KCNN2: variants seen among roughly 807,000 people sequenced by gnomAD.
KCNN2 encodes the protein potassium calcium-activated channel subfamily N member 2, also known as small conductance calcium-activated potassium channel protein 2.
KCNN2 carries 24 observed loss-of-function variants against 55.5 expected under a neutral mutation model. The ratio of observed to expected loss-of-function variants is 0.43; its 90% CI spans 0.31 to 0.61. The LOEUF is 0.61. Among genes scored for constraint, KCNN2 ranks in the 20% least tolerant of loss-of-function variants. The probability of loss-of-function intolerance (pLI) is 0.08; values close to 1 mark genes in which losing one functional copy is unlikely to be tolerated. For missense variants in KCNN2, 754 were observed against 853.6 expected, an observed-to-expected ratio of 0.88 and a Z score of 1.45; for synonymous variants, 431 against 336.1, an observed-to-expected ratio of 1.28 and a Z score of -3.09.
chr5:114,172,911 T>C (rs753094016), intron 1 of KCNN2, among the ~76,000 whole-genome samples: 3 of 151,942 alleles, frequency 2.0e-5, no homozygotes, highest in Non-Finnish European at 4.4e-5. Flanking sequence ...ATTGTTTCCT[T>C]TGATATGCAG....
At chr5:114,240,876 AAAG>A (rs1754603911) in intron 2 of KCNN2, among the ~76,000 whole-genome samples, 1 of 152,018 alleles carries the variant, frequency 6.6e-6, no homozygotes, top group Non-Finnish European at 1.5e-5. Flanking sequence ...AAATATGTGA[AAAG>A]AATTTAAAAA....
intron 2 of KCNN2, among the ~76,000 whole-genome samples, chr5:114,252,945 C>T (rs1036338881): frequency 8.5e-5 from 13 of 152,092 alleles, no homozygotes; most frequent in African/African-American, 2.9e-4. Context: ...GCTTTGCTGT[C>T]ACACCCATCT....
chr5:114,442,741 A>G (rs1760263550), intron 3 of KCNN2, among the ~76,000 whole-genome samples: 1 of 152,204 alleles, frequency 6.6e-6, no homozygotes, highest in South Asian at 2.1e-4. Context: ...CAGTGCAGGG[A>G]CTAAAGGATA....
intron 1 of KCNN2, among the ~76,000 whole-genome samples, chr5:114,086,147 CT>C (rs1751011359): frequency 1.3e-5 from 2 of 151,742 alleles, no homozygotes; most frequent in South Asian, 2.1e-4. Context: ...ATTTTTTAAC[CT>C]TTTGCTATGT....
intron 2 of KCNN2, among the ~76,000 whole-genome samples, chr5:114,299,639 T>C (rs1580705510): frequency 6.6e-6 from 1 of 152,194 alleles, no homozygotes; most frequent in Non-Finnish European, 1.5e-5. Context: ...AGACACAGCC[T>C]ATCCCATCTA....
At chr5:114,326,720 GA>G (rs1580723947) in intron 2 of KCNN2, among the ~76,000 whole-genome samples, 1 of 152,164 alleles carries the variant, frequency 6.6e-6, no homozygotes, top group East Asian at 1.9e-4. Context: ...GGATTTTTAT[GA>G]AGGAAGTTCC....
At chr5:114,182,232 C>T (rs1193410825) in intron 1 of KCNN2, among the ~76,000 whole-genome samples, 1 of 151,848 alleles carries the variant, frequency 6.6e-6, no homozygotes, top group East Asian at 1.9e-4. Context: ...AGTTTCTCTA[C>T]TTCTTTGTTT....
intron 1 of KCNN2, among the ~76,000 whole-genome samples, chr5:114,191,924 G>A (rs560399773): frequency 6.6e-6 from 1 of 152,238 alleles, no homozygotes; most frequent in Admixed American, 6.5e-5. Context: ...TTATTAATGT[G>A]GTAAGAATGG....
rs541097723 is a variant in KCNN2 at position 114,058,425 on chromosome 5, G to A, written c.-271+1925G>A. On this transcript the variant is annotated intron_variant, in intron 1 of 10. Coordinates refer to the KCNN2 transcript ENST00000512097. ...CTGTGTTTTGGCAGGTCACAATTGA[G>A]TTTTGGCTGGTAAGGCCAGGTATGC... 2.0e-5 allele frequency among the ~76,000 whole-genome samples: 3 copies of A among 152,288 alleles called. No homozygotes were observed. In the East Asian group the frequency reaches 5.8e-4, roughly 29 times the overall value.
At chr5:114,159,504 G>C (rs1179257838) in intron 1 of KCNN2, among the ~76,000 whole-genome samples, 1 of 152,160 alleles carries the variant, frequency 6.6e-6, no homozygotes, top group East Asian at 1.9e-4. Flanking sequence ...GTATCAGGAT[G>C]ATGCTGGCCT....
At chr5:114,248,781 T>C (rs1754799520) in intron 2 of KCNN2, among the ~76,000 whole-genome samples, 1 of 152,206 alleles carries the variant, frequency 6.6e-6, no homozygotes, top group Admixed American at 6.5e-5. Context: ...TGACTTCCAT[T>C]ATACTGAGCA....
intron 2 of KCNN2, among the ~76,000 whole-genome samples, chr5:114,347,746 C>T (rs1254818065): frequency 6.6e-6 from 1 of 151,956 alleles, no homozygotes; most frequent in Admixed American, 6.6e-5. Context: ...AAAACACAAA[C>T]CAAAAGAAAA....
At chr5:114,259,261 C>T (rs72799607) in intron 2 of KCNN2, among the ~76,000 whole-genome samples, 16,595 of 152,266 alleles carry the variant, frequency 0.11, 1,158 homozygotes, top group South Asian at 0.22. Context: ...AGGAACATCA[C>T]TCCCCAAGAG....
chr5:114,148,157 T>G (rs1051460498), intron 1 of KCNN2, among the ~76,000 whole-genome samples: 13 of 152,116 alleles, frequency 8.5e-5, no homozygotes, highest in African/African-American at 2.9e-4. Flanking sequence ...TGAGAGCAAA[T>G]TTTTCACAGT....
At chr5:114,114,685 T>C (rs1751676797) in intron 1 of KCNN2, among the ~76,000 whole-genome samples, 1 of 152,158 alleles carries the variant, frequency 6.6e-6, no homozygotes, top group Admixed American at 6.6e-5. Context: ...TATTCCTTGC[T>C]AATCTATTTG....
chr5:114,081,940 G>C (rs916414972), intron 1 of KCNN2, among the ~76,000 whole-genome samples: 1 of 151,364 alleles, frequency 6.6e-6, no homozygotes, highest in African/African-American at 2.4e-5. Flanking sequence ...TTTTAAAATG[G>C]GCAAAGGATT....
chr5:114,167,337 A>G (rs1165753958), intron 1 of KCNN2, among the ~76,000 whole-genome samples: 3 of 152,178 alleles, frequency 2.0e-5, no homozygotes, highest in Non-Finnish European at 4.4e-5. Flanking sequence ...ATACAGGATT[A>G]ATAATAGTAA....
intron 2 of KCNN2, among the ~76,000 whole-genome samples, chr5:114,308,118 C>A (rs988462435): frequency 6.6e-6 from 1 of 152,140 alleles, no homozygotes; most frequent in African/African-American, 2.4e-5. Flanking sequence ...TTTCTCCTAT[C>A]TAGCTCATGT....
At chr5:114,168,174 T>TATAC (rs1554072772) in intron 1 of KCNN2, among the ~76,000 whole-genome samples, 15,592 of 148,570 alleles carry the variant, frequency 0.1, 1,224 homozygotes, top group East Asian at 0.47. Flanking sequence ...TGGATATATA[T>TATAC]ACACACACAC....
Sources: allele counts gnomAD v4.1 joint callset (sites outside exome capture counted in the v4.1 genomes callset), GRCh38; gene constraint gnomAD v4.1.1; transcripts MANE v1.5; gene names NCBI Gene and HGNC (gene_info 2026-07-23, HGNC 2026-07-21).